ABTB3: variants seen among roughly 807,000 people sequenced by gnomAD.
The protein encoded by ABTB3 is ankyrin repeat and BTB domain containing 3.
chr12:107,571,953 A>T, the ABTB3 span, among the ~76,000 whole-genome samples: 20 of 152,238 alleles, frequency 1.3e-4, no homozygotes, highest in African/African-American at 4.6e-4. Flanking sequence ...ACCTACAGAG[A>T]ATAAGAGATA....
the ABTB3 span, among the ~76,000 whole-genome samples, chr12:107,569,869 G>T: frequency 2.0e-5 from 3 of 152,214 alleles, no homozygotes; most frequent in Non-Finnish European, 4.4e-5. Flanking sequence ...CTATCTTGTT[G>T]CTCTGCGTTT....
the ABTB3 span, among the ~76,000 whole-genome samples, chr12:107,487,562 T>C: frequency 6.6e-6 from 1 of 152,144 alleles, no homozygotes; most frequent in Non-Finnish European, 1.5e-5. Context: ...CTTGGCTGCC[T>C]TTTCAAAAGC....
At chr12:107,439,473 C>T in the ABTB3 span, among the ~76,000 whole-genome samples, 1,313 of 152,164 alleles carry the variant, frequency 8.6e-3, 23 homozygotes, top group African/African-American at 0.029. Flanking sequence ...GTGTGGATGC[C>T]GAGCCCATCT....
At chr12:107,550,718 C>A in the ABTB3 span, among the ~76,000 whole-genome samples, 2 of 151,582 alleles carry the variant, frequency 1.3e-5, no homozygotes, top group Admixed American at 1.3e-4. Context: ...ATAGCTGGGA[C>A]TACAGGTGCA....
the ABTB3 span, among the ~76,000 whole-genome samples, chr12:107,469,865 C>CTT: frequency 4.6e-3 from 403 of 88,340 alleles, 2 homozygotes; most frequent in Non-Finnish European, 8.3e-3. Context: ...TTCTTTCTTT[C>CTT]TTTTCTTTCT....
chr12:107,476,786 A>ATG, the ABTB3 span, among the ~76,000 whole-genome samples: 3 of 150,474 alleles, frequency 2.0e-5, no homozygotes, highest in African/African-American at 4.9e-5. Context: ...AAGGCAGGGA[A>ATG]TGTGTGTGTG....
chr12:107,329,923 A>G, the ABTB3 span, among the ~76,000 whole-genome samples: 1 of 152,238 alleles, frequency 6.6e-6, no homozygotes, highest in African/African-American at 2.4e-5. Flanking sequence ...AACTGGTGAC[A>G]TGTGCAACAA....
chr12:107,355,882 C>G, the ABTB3 span, among the ~76,000 whole-genome samples: 1 of 152,160 alleles, frequency 6.6e-6, no homozygotes, highest in African/African-American at 2.4e-5. Flanking sequence ...CCAGTGTGCC[C>G]TAAACCTCAG....
the ABTB3 span, among the ~76,000 whole-genome samples, chr12:107,480,909 C>G: frequency 9.9e-5 from 15 of 152,234 alleles, no homozygotes; most frequent in East Asian, 2.9e-3. Flanking sequence ...AGAAAAGAGA[C>G]AAATTGATTG....
the ABTB3 span, among the ~76,000 whole-genome samples, chr12:107,384,889 C>T: frequency 2.0e-5 from 3 of 152,210 alleles, no homozygotes; most frequent in Admixed American, 6.5e-5. Flanking sequence ...ATAAAGATCA[C>T]TCTGGAATCA....
the ABTB3 span, among the ~76,000 whole-genome samples, chr12:107,440,116 G>C: frequency 6.6e-6 from 1 of 152,224 alleles, no homozygotes; most frequent in African/African-American, 2.4e-5. Context: ...CAGCAGGGAA[G>C]GGTTCACCCC....
the ABTB3 span, among the ~76,000 whole-genome samples, chr12:107,354,447 G>A: frequency 7.9e-5 from 12 of 151,730 alleles, no homozygotes; most frequent in African/African-American, 2.9e-4. Flanking sequence ...TTTATTTTTT[G>A]TCTCTATGTA....
the ABTB3 span, among the ~76,000 whole-genome samples, chr12:107,605,595 C>T: frequency 2.0e-5 from 3 of 152,166 alleles, no homozygotes; most frequent in Non-Finnish European, 4.4e-5. Context: ...GCTCAGCAGG[C>T]CCCTCCTGGA....
chr12:107,519,333 T>TTTC, the ABTB3 span, among the ~76,000 whole-genome samples: 1 of 143,868 alleles, frequency 7.0e-6, no homozygotes, highest in Non-Finnish European at 1.5e-5. Context: ...TTCTTTTTCT[T>TTTC]TTTTTTTTTT....
chr12:107,572,681 T>A, the ABTB3 span, among the ~76,000 whole-genome samples: 1 of 152,098 alleles, frequency 6.6e-6, no homozygotes, highest in South Asian at 2.1e-4. Context: ...GTTGAAGTCA[T>A]GGGACTGCAG....
chr12:107,403,383 T>C, the ABTB3 span, among the ~76,000 whole-genome samples: 24 of 152,226 alleles, frequency 1.6e-4, no homozygotes, highest in African/African-American at 2.6e-4. Flanking sequence ...CCAGAATCCA[T>C]AGGAAGCTTG....
the ABTB3 span, among the ~76,000 whole-genome samples, chr12:107,391,863 T>A: frequency 6.6e-6 from 1 of 152,098 alleles, no homozygotes; most frequent in Admixed American, 6.6e-5. Context: ...ATGTGTGTGA[T>A]GGGGTGTGTG....
the ABTB3 span, among the ~76,000 whole-genome samples, chr12:107,432,148 A>G: frequency 6.6e-6 from 1 of 152,122 alleles, no homozygotes; most frequent in Non-Finnish European, 1.5e-5. Context: ...TGAGGTTAAT[A>G]TGGGTTTGGC....
chr12:107,570,242 T>A, the ABTB3 span, among the ~76,000 whole-genome samples: 4 of 151,772 alleles, frequency 2.6e-5, no homozygotes, highest in South Asian at 4.2e-4. Flanking sequence ...CAAGACAGAG[T>A]CTCACTCTGT....
Sources: allele counts gnomAD v4.1 joint callset (sites outside exome capture counted in the v4.1 genomes callset), GRCh38; gene constraint gnomAD v4.1.1; transcripts MANE v1.5; gene names NCBI Gene and HGNC (gene_info 2026-07-23, HGNC 2026-07-21).